Variants in ANKRD26 observed in about 807,000 individuals in gnomAD.
ANKRD26 encodes ankyrin repeat domain-containing protein 26.
In ANKRD26, 141 loss-of-function variants were observed where a neutral mutation model predicts 208.7. The observed-to-expected ratio is 0.68, with a 90% CI of 0.59 to 0.78. The LOEUF (loss-of-function observed/expected upper bound fraction) is 0.78, where lower values mean the gene tolerates loss of function less well. ANKRD26 is among the 30% of genes least tolerant of loss of function. ANKRD26 has a pLI of 0.00. For synonymous variants in ANKRD26, 636 were observed against 660.4 expected (o/e 0.96, Z 0.57); for missense variants, 1,889 against 1,938.7 (o/e 0.97, Z 0.48).
intron 27 of ANKRD26, among the ~76,000 whole-genome samples, chr10:27,028,120 A>C (rs1564367388): frequency 6.6e-6 from 1 of 152,128 alleles, no homozygotes. Context: ...GTTTATGAGG[A>C]TGTAATCCCA....
chr10:27,043,324 T>A, intron 20 of ANKRD26, 102 bp downstream of exon 20: 1 of 1,347,628 alleles, frequency 7.4e-7, no homozygotes, highest in Non-Finnish European at 1.0e-6. Flanking sequence ...TAGCCACCAA[T>A]GAAGCACTGC....
chr10:27,075,793 A>G (rs2055674327), intron 9 of ANKRD26, among the ~76,000 whole-genome samples: 1 of 152,232 alleles, frequency 6.6e-6, no homozygotes, highest in Admixed American at 6.5e-5. Context: ...GAACTGCAGA[A>G]TATACATGCT....
intron 21 of ANKRD26, 73 bp downstream of exon 21, chr10:27,039,892 T>C: frequency 2.1e-6 from 3 of 1,416,172 alleles, no homozygotes; most frequent in Non-Finnish European, 3.0e-6. Flanking sequence ...AGAAGATAAG[T>C]CAGCAATTAC....
the ANKRD26 span, among the ~76,000 whole-genome samples, chr10:26,967,533 T>C: frequency 0.32 from 14,736 of 45,536 alleles, 2,292 homozygotes; most frequent in African/African-American, 0.54. Flanking sequence ...GACACTCAAT[T>C]ATCTCTCTAG....
chr10:26,948,449 A>T, the ANKRD26 span, among the ~76,000 whole-genome samples: 1 of 152,368 alleles, frequency 6.6e-6, no homozygotes, highest in South Asian at 2.1e-4. Context: ...TTAAAGAATT[A>T]TTCTATCACT....
At position 27,035,084 on chromosome 10, in the gene ANKRD26, C is replaced by T; in HGVS notation, c.3366G>A (p.Val1122=). 1.9e-6 allele frequency: 3 copies of T among 1,612,596 alleles called. No individual in the cohort carries two copies. The highest frequency in any genetic ancestry group is 2.5e-6 in the Non-Finnish European group (3 of 1,179,378). The part of the protein sequence containing the change: ...EQKYQNEQVK[V]NKYIGKQESV... ...ACTCCTGCTTTCCAATGTATTTATTCACTTTAACTTGTTCATTTTGATACT... is the reference window on the plus strand; with the variant it reads ...ACTCCTGCTTTCCAATGTATTTATTTACTTTAACTTGTTCATTTTGATACT... Residue 1122 remains valine (V), a synonymous_variant, in exon 24 of 34, where the codon GTG becomes GTA. Coordinates refer to ENST00000376087, the MANE Select transcript of ANKRD26 (RefSeq NM_014915.3).
chr10:27,083,791 G>A (rs2056013743), intron 5 of ANKRD26, among the ~76,000 whole-genome samples: 1 of 152,170 alleles, frequency 6.6e-6, no homozygotes, highest in Admixed American at 6.5e-5. Flanking sequence ...GAGGCCACAA[G>A]CCAAATCCAG....
At position 27,022,577 on chromosome 10, in the gene ANKRD26, A is replaced by C. The variant is rs2053525864; in HGVS notation, c.4196T>G (p.Ile1399Ser). Residue 1399 changes from isoleucine to serine, a missense_variant, in exon 29 of 34, where the codon ATT (isoleucine) becomes AGT (serine). By Grantham distance (142) the Ile-to-Ser change is moderately radical (BLOSUM62 -2). This residue lies in a region of ANKRD26 where 613 missense variants were observed against 648.2 expected (regional missense o/e 0.95). Transcript: ENST00000376087. ...AATTACCTTATGTTTTAGCTTATTAATCTGAATATCCATTTCAAATTGACT... is the reference window on the plus strand; with the variant it reads ...AATTACCTTATGTTTTAGCTTATTACTCTGAATATCCATTTCAAATTGACT... ...KTSQFEMDIQ[I>S]NKLKHKIDDL... The C allele has an allele frequency of 1.1e-5, 17 of 1,536,860 alleles. No homozygotes were observed. The highest frequency in any genetic ancestry group is 1.5e-5 in the Non-Finnish European group (17 of 1,117,198).
At chr10:27,037,428 A>G (rs2054081003) in intron 22 of ANKRD26, 105 bp from the exon 23 acceptor site, 5 of 1,206,958 alleles carry the variant, frequency 4.1e-6, no homozygotes, top group Non-Finnish European at 5.9e-6. Flanking sequence ...GAAATAGCAC[A>G]TTAAAATGCA....
chr10:27,064,136 T>C, intron 11 of ANKRD26, 55 bp from the exon 12 acceptor site: 1 of 1,249,606 alleles, frequency 8.0e-7, no homozygotes, highest in East Asian at 2.3e-5. Flanking sequence ...AATGAATTGC[T>C]AAAGATTTTC....
chr10:26,951,013 C>CTTTTCTTT, the ANKRD26 span, among the ~76,000 whole-genome samples: 24 of 100,908 alleles, frequency 2.4e-4, no homozygotes, highest in East Asian at 1.4e-3. Flanking sequence ...CTTTTCTTTT[C>CTTTTCTTT]TTTTTCTTTT....
chr10:27,030,058 A>G (rs754616738), intron 25 of ANKRD26, among the ~76,000 whole-genome samples: 2 of 152,254 alleles, frequency 1.3e-5, no homozygotes, highest in South Asian at 4.1e-4. Context: ...AGATGAGTAC[A>G]TGGCATATAG....
chr10:27,013,559 T>C (rs1192196021), intron 31 of ANKRD26, among the ~76,000 whole-genome samples: 1 of 152,322 alleles, frequency 6.6e-6, no homozygotes, highest in East Asian at 1.9e-4. Flanking sequence ...ACATCATGTT[T>C]TGATACATAC....
chr10:26,961,427 A>G, the ANKRD26 span, among the ~76,000 whole-genome samples: 20 of 152,224 alleles, frequency 1.3e-4, no homozygotes, highest in Non-Finnish European at 2.6e-4. Flanking sequence ...AAAGTGAGAT[A>G]TAAGCGTGGG....
At chr10:26,959,604 G>A in the ANKRD26 span, among the ~76,000 whole-genome samples, 5 of 150,806 alleles carry the variant, frequency 3.3e-5, no homozygotes, top group East Asian at 1.9e-4. Flanking sequence ...GAAAGCTTCC[G>A]TTTTATGGAA....
intron 20 of ANKRD26, among the ~76,000 whole-genome samples, chr10:27,042,647 G>A (rs1026803112): frequency 1.6e-4 from 24 of 152,146 alleles, no homozygotes; most frequent in African/African-American, 4.8e-4. Flanking sequence ...CAGCTACTTG[G>A]GAGGCTGAGG....
chr10:26,977,173 G>A (rs1473050935), intron 5 of ANKRD26, among the ~76,000 whole-genome samples: 1 of 152,164 alleles, frequency 6.6e-6, no homozygotes, highest in East Asian at 1.9e-4. Context: ...AATAGCCATT[G>A]CTTGCTTACC....
chr10:27,093,547 G>T, intron 2 of ANKRD26, 25 bp from the exon 3 acceptor site: 2 of 1,613,432 alleles, frequency 1.2e-6, no homozygotes, highest in Non-Finnish European at 1.7e-6. Flanking sequence ...CCAAGAAACA[G>T]ATCATAAATT....
At chr10:27,081,657 C>T (rs2055908111) in intron 6 of ANKRD26, among the ~76,000 whole-genome samples, 1 of 151,812 alleles carries the variant, frequency 6.6e-6, no homozygotes, top group Non-Finnish European at 1.5e-5. Flanking sequence ...ATGAGGAATA[C>T]TTAGCTGGCA....
Sources: gnomAD v4.1 joint callset for allele counts (sites outside exome capture counted in the v4.1 genomes callset) on GRCh38, gnomAD v4.1.1 for gene constraint, gnomAD v4.1.1 regional missense constraint, MANE v1.5 for transcripts, NCBI Gene and HGNC (gene_info 2026-07-23, HGNC 2026-07-21) for gene names.